GBE1: variants seen among roughly 807,000 people sequenced by gnomAD.
GBE1 encodes the protein 1,4-alpha-glucan-branching enzyme.
GBE1 carries 70 observed loss-of-function variants against 88.8 expected under a neutral mutation model. The observed-to-expected ratio is 0.79, with a 90% CI of 0.65 to 0.96. The LOEUF is 0.96. GBE1 is among the 40% of genes least tolerant of loss of function. The pLI is 0.00. For synonymous variants in GBE1, 284 were observed against 300.1 expected, an observed-to-expected ratio of 0.95 and a Z score of 0.56; for missense variants, 872 against 871.0, an observed-to-expected ratio of 1.00 and a Z score of -0.01.
At chr3:81,649,022 A>G (rs745619013) in intron 4 of GBE1, 31 bp from the exon 5 acceptor site, 2 of 1,477,734 alleles carry the variant, frequency 1.4e-6, no homozygotes, top group African/African-American at 2.9e-5. Context: ...TATAGAGTTA[A>G]GCCAGGAATT....
chr3:81,525,291 T>C (rs1404531267), intron 14 of GBE1, among the ~76,000 whole-genome samples: 5 of 152,082 alleles, frequency 3.3e-5, no homozygotes, highest in Admixed American at 1.3e-4. Flanking sequence ...GAGATAATCA[T>C]GTGGTTTTTG....
At chr3:81,653,132 T>C (rs1380230824) in intron 3 of GBE1, among the ~76,000 whole-genome samples, 3 of 152,254 alleles carry the variant, frequency 2.0e-5, no homozygotes, top group African/African-American at 4.8e-5. Context: ...ATAAAATTTC[T>C]GAATAGCAAT....
Position 81,733,661 on chromosome 3 carries a change from G to A in GBE1, c.143+27714C>T, listed in dbSNP as rs73853477. 5.0e-3 allele frequency among the ~76,000 whole-genome samples: 767 copies of A among 152,070 alleles called. 2 individuals carry two copies. Among genetic ancestry groups the A allele is most frequent in the African/African-American group, 0.018 (736 of 41,482 alleles). On this transcript the variant is annotated intron_variant, in intron 1 of 15. Coordinates refer to ENST00000429644, the MANE Select transcript of GBE1 (RefSeq NM_000158.4). The surrounding 1 kb of genome is among the most constrained non-coding windows in gnomAD (Gnocchi z 4.0). ...CTCAATAGTTCCTAACCTGAAATAC[G>A]CCTATTTAAAACTGCCCCTCCACAC... is the stretch of plus-strand genomic sequence containing the variant.
At chr3:81,623,909 A>G (rs1475321500) in intron 7 of GBE1, among the ~76,000 whole-genome samples, 1 of 152,136 alleles carries the variant, frequency 6.6e-6, no homozygotes, top group Admixed American at 6.5e-5. Flanking sequence ...GACCTCAAGC[A>G]TTCTTCCTGT....
chr3:81,694,463 T>A (rs1054930290), intron 2 of GBE1, among the ~76,000 whole-genome samples: 1 of 152,142 alleles, frequency 6.6e-6, no homozygotes, highest in Non-Finnish European at 1.5e-5. Context: ...TTACTCTAGA[T>A]TGCAAGAGTG....
intron 7 of GBE1, among the ~76,000 whole-genome samples, chr3:81,598,680 A>G (rs926440277): frequency 6.6e-6 from 1 of 151,940 alleles, no homozygotes; most frequent in Non-Finnish European, 1.5e-5. Context: ...TAACAGTATC[A>G]TCAATAATAA....
intron 9 of GBE1, among the ~76,000 whole-genome samples, chr3:81,589,059 G>A (rs1703840418): frequency 6.6e-6 from 1 of 151,990 alleles, no homozygotes; most frequent in Non-Finnish European, 1.5e-5. Flanking sequence ...AATCATAAAG[G>A]TCATCAAAAT....
chr3:81,683,899 T>A (rs936955128), intron 2 of GBE1, among the ~76,000 whole-genome samples: 19 of 152,078 alleles, frequency 1.2e-4, no homozygotes, highest in African/African-American at 4.1e-4. Context: ...TTTAAAAAAA[T>A]AATTTGAGCA....
chr3:81,590,908 A>C, intron 9 of GBE1, 129 bp downstream of exon 9: 1 of 706,802 alleles, frequency 1.4e-6, no homozygotes, highest in Admixed American at 3.5e-5. Context: ...AGATAGCTGC[A>C]CTATACTCAG....
chr3:81,491,484 T>C (rs969278078), intron 15 of GBE1, among the ~76,000 whole-genome samples: 2 of 152,198 alleles, frequency 1.3e-5, no homozygotes, highest in African/African-American at 2.4e-5. Flanking sequence ...AATAGGTGCA[T>C]ATTTAACAAG....
intron 12 of GBE1, 77 bp downstream of exon 12, chr3:81,577,848 A>T: frequency 8.2e-7 from 1 of 1,213,550 alleles, no homozygotes; most frequent in Non-Finnish European, 1.1e-6. Flanking sequence ...AGCCAAATCA[A>T]AATATTCTAC....
At chr3:81,713,201 T>C (rs1480485292) in intron 1 of GBE1, among the ~76,000 whole-genome samples, 1 of 152,198 alleles carries the variant, frequency 6.6e-6, no homozygotes, top group African/African-American at 2.4e-5. Context: ...ACTAGTGATT[T>C]TGACTGGAAG....
At chr3:81,549,030 CT>C (rs150990059) in intron 12 of GBE1, among the ~76,000 whole-genome samples, 63,522 of 114,028 alleles carry the variant, frequency 0.56, 17,888 homozygotes, top group East Asian at 0.88. Flanking sequence ...TGTGAGTATT[CT>C]TTTTTTTTTT....
intron 7 of GBE1, among the ~76,000 whole-genome samples, chr3:81,627,158 C>T (rs1704429239): frequency 6.6e-6 from 1 of 152,150 alleles, no homozygotes; most frequent in African/African-American, 2.4e-5. Flanking sequence ...TAATGGGCTT[C>T]ATTTCTACTC....
intron 5 of GBE1, among the ~76,000 whole-genome samples, 160 bp downstream of exon 5, chr3:81,648,696 A>G (rs1484279161): frequency 6.6e-6 from 1 of 152,088 alleles, no homozygotes; most frequent in Non-Finnish European, 1.5e-5. Context: ...TTTCTATGCT[A>G]TCACTATTAC....
At chr3:81,493,722 C>A (rs2106801816) in intron 15 of GBE1, among the ~76,000 whole-genome samples, 1 of 151,764 alleles carries the variant, frequency 6.6e-6, no homozygotes, top group South Asian at 2.1e-4. Flanking sequence ...TTTTAGTAGA[C>A]ACGGGGTTTC....
intron 9 of GBE1, among the ~76,000 whole-genome samples, chr3:81,589,655 C>T (rs554944330): frequency 6.6e-6 from 1 of 152,032 alleles, no homozygotes; most frequent in African/African-American, 2.4e-5. Flanking sequence ...ATCAATGTAA[C>T]AATTTTAACT....
intron 1 of GBE1, among the ~76,000 whole-genome samples, chr3:81,713,108 A>T (rs979128624): frequency 1.3e-5 from 2 of 152,216 alleles, no homozygotes; most frequent in African/African-American, 4.8e-5. Flanking sequence ...TCATCTGTGC[A>T]ATGGGAAACA....
At chr3:81,607,169 A>C (rs890078375) in intron 7 of GBE1, among the ~76,000 whole-genome samples, 16 of 152,222 alleles carry the variant, frequency 1.1e-4, no homozygotes, top group Non-Finnish European at 7.3e-5. Context: ...TTTTATTCAA[A>C]AAAGTTTCTT....
Sources: gnomAD v4.1 joint callset for allele counts (sites outside exome capture counted in the v4.1 genomes callset) on GRCh38, gnomAD v4.1.1 for gene constraint, Gnocchi (gnomAD v3.1) non-coding constraint, MANE v1.5 for transcripts, NCBI Gene and HGNC (gene_info 2026-07-23, HGNC 2026-07-21) for gene names.